The following GRIA3 variants were observed in gnomAD, a reference collection of about 807,000 sequenced individuals.
GRIA3 encodes glutamate receptor 3.
In GRIA3, 3 loss-of-function variants were observed where a neutral mutation model predicts 63.0. The observed-to-expected ratio is 0.05, with a 90% CI of 0.02 to 0.12. The LOEUF (loss-of-function observed/expected upper bound fraction) is 0.12, where lower values mean the gene tolerates loss of function less well. GRIA3 is among the 10% of genes least tolerant of loss of function. The pLI is 1.00. For missense variants in GRIA3, 347 were observed against 700.9 expected (o/e 0.50, Z 5.70); for synonymous variants, 274 against 257.9 (o/e 1.06, Z -0.60).
chrX:123,307,561 A>G (rs2044762760), intron 3 of GRIA3, among the ~76,000 whole-genome samples: 1 of 112,232 alleles, frequency 8.9e-6, no homozygotes, highest in East Asian at 2.8e-4. Flanking sequence ...ACTAAGGGGA[A>G]GCAATTCTAC....
chrX:123,334,335 T>C (rs1305047250), intron 4 of GRIA3, among the ~76,000 whole-genome samples: 1 of 111,633 alleles, frequency 9.0e-6, no homozygotes, highest in Non-Finnish European at 1.9e-5. Context: ...TATTCTATAT[T>C]TAGGAATTTT....
intron 5 of GRIA3, among the ~76,000 whole-genome samples, chrX:123,369,864 A>G (rs1368145408): frequency 8.9e-6 from 1 of 111,855 alleles, no homozygotes; most frequent in Non-Finnish European, 1.9e-5. Context: ...ATCTAGCAAG[A>G]GTTATGGATA....
At position 123,448,056 on chromosome X, in the gene GRIA3, TAAG is replaced by T. The variant is rs762695623; in HGVS notation, c.2077-16808_2077-16806del. ...AAGATAATCAGGCTACGTAGAAACT[TAAG>T]GAGTGCACCTTTTGTTTTTTCCACA... On this transcript the variant is annotated intron_variant, in intron 12 of 15. Transcript: ENST00000620443. 1.1e-4 allele frequency among the ~76,000 whole-genome samples: 12 copies of T among 112,120 alleles called. 1 individual carries two copies. Among genetic ancestry groups the T allele is most frequent in the Non-Finnish European group, 2.1e-4 (11 of 53,254 alleles).
At chrX:123,235,723 C>T (rs776139654) in intron 2 of GRIA3, among the ~76,000 whole-genome samples, 11 of 110,555 alleles carry the variant, frequency 9.9e-5, no homozygotes, top group Non-Finnish European at 1.9e-4. Flanking sequence ...ATGCTTTACT[C>T]AGAGAAAATA....
chrX:123,436,993 C>T (rs1285226517), intron 12 of GRIA3, among the ~76,000 whole-genome samples: 1 of 109,952 alleles, frequency 9.1e-6, no homozygotes, highest in Non-Finnish European at 1.9e-5. Context: ...ATTCGACTTA[C>T]GAAAACTCAA....
intron 4 of GRIA3, among the ~76,000 whole-genome samples, chrX:123,341,223 G>A (rs2045006682): frequency 8.9e-6 from 1 of 111,816 alleles, no homozygotes; most frequent in Non-Finnish European, 1.9e-5. Flanking sequence ...TCCTTTAAAA[G>A]GTGGAATTAA....
intron 2 of GRIA3, among the ~76,000 whole-genome samples, chrX:123,246,327 T>G (rs2044359315): frequency 8.9e-6 from 1 of 112,082 alleles, no homozygotes; most frequent in African/African-American, 3.2e-5. Context: ...GTCAGAAGTC[T>G]GGTACAGGTC....
chrX:123,395,146 T>C lies in GRIA3; in HGVS notation c.912+17T>C. Reference sequence around the variant, plus strand: ...CCACTAAAGGTAATGTTCCATGGCATGTAAAAAACCTAAGGCCAGCTTTTC... The same window carrying C: ...CCACTAAAGGTAATGTTCCATGGCACGTAAAAAACCTAAGGCCAGCTTTTC... On this transcript the variant is annotated intron_variant, in intron 6 of 15. Coordinates refer to ENST00000620443, the MANE Select transcript of GRIA3 (RefSeq NM_007325.5). The C allele has an allele frequency of 2.5e-6, 3 of 1,188,570 alleles. No individual in the cohort carries two copies. The highest frequency in any genetic ancestry group is 1.1e-6 in the Non-Finnish European group (1 of 874,518).
chrX:123,268,442 C>T (rs1285473566), intron 3 of GRIA3, among the ~76,000 whole-genome samples: 1 of 109,246 alleles, frequency 9.2e-6, no homozygotes, highest in Non-Finnish European at 1.9e-5. Flanking sequence ...CATTCTCTTC[C>T]ATTTTTTATT....
Position 123,310,518 on chromosome X carries a change from GCTTTGCTTACATCT to G in GRIA3, c.509-15499_509-15486del, listed in dbSNP as rs202236586. The stretch of plus-strand genomic sequence containing the variant: ...GAAGACTAGATCAAATGGTGAGCTG[GCTTTGCTTACATCT>G]CTTTGCTTTATGCTCCACAGCTCTA... On this transcript the variant is annotated intron_variant, in intron 3 of 15. Coordinates refer to ENST00000620443, the MANE Select transcript of GRIA3 (RefSeq NM_007325.5). Among the ~76,000 whole-genome samples the G allele has an allele frequency of 8.6e-3, 975 of 113,075 alleles. 16 individuals carry two copies. The highest frequency in any genetic ancestry group is 0.029 in the African/African-American group (909 of 31,195).
At chrX:123,310,227 A>G (rs1157424658) in intron 3 of GRIA3, among the ~76,000 whole-genome samples, 2 of 112,790 alleles carry the variant, frequency 1.8e-5, no homozygotes, top group Non-Finnish European at 3.8e-5. Context: ...ACTCTAAGTG[A>G]CTCAGGGCTT....
chrX:123,463,878 A>G (rs1267117343), intron 12 of GRIA3, among the ~76,000 whole-genome samples: 1 of 110,940 alleles, frequency 9.0e-6, no homozygotes, highest in East Asian at 2.8e-4. Context: ...CTCTAAAATA[A>G]GAAGCAAAAG....
chrX:123,478,425 G>A (rs920381678), intron 13 of GRIA3, among the ~76,000 whole-genome samples: 1 of 112,088 alleles, frequency 8.9e-6, no homozygotes, highest in Admixed American at 9.5e-5. Context: ...ATTTCCTAGT[G>A]AGATACAAAA....
At chrX:123,456,105 C>T (rs1374984502) in intron 12 of GRIA3, among the ~76,000 whole-genome samples, 3 of 111,160 alleles carry the variant, frequency 2.7e-5, no homozygotes, top group Non-Finnish European at 5.7e-5. Flanking sequence ...CTGCACTTAC[C>T]CTCCCTTACC....
intron 5 of GRIA3, among the ~76,000 whole-genome samples, chrX:123,361,624 G>A (rs776289004): frequency 9.0e-6 from 1 of 111,607 alleles, no homozygotes; most frequent in African/African-American, 3.3e-5. Flanking sequence ...TCAGCTTAAA[G>A]TTGCGAACTC....
At chrX:123,322,203 C>T (rs2044872784) in intron 3 of GRIA3, among the ~76,000 whole-genome samples, 1 of 111,605 alleles carries the variant, frequency 9.0e-6, no homozygotes, top group Non-Finnish European at 1.9e-5. Context: ...CAGCCCAGTT[C>T]TTCATCCATA....
At chrX:123,260,070 A>T (rs1428260030) in intron 3 of GRIA3, among the ~76,000 whole-genome samples, 1 of 109,824 alleles carries the variant, frequency 9.1e-6, no homozygotes, top group Non-Finnish European at 1.9e-5. Context: ...GAGGTAAATG[A>T]GTTGCAAAGG....
intron 4 of GRIA3, among the ~76,000 whole-genome samples, chrX:123,345,439 A>C (rs906761097): frequency 1.0e-3 from 68 of 65,903 alleles, no homozygotes; most frequent in Non-Finnish European, 1.7e-3. Context: ...CCCCCTTCAC[A>C]ACACACACAC....
At chrX:123,422,838 G>A (rs1418289634) in intron 11 of GRIA3, among the ~76,000 whole-genome samples, 1 of 112,358 alleles carries the variant, frequency 8.9e-6, no homozygotes, top group East Asian at 2.8e-4. Context: ...TGAAATACCA[G>A]TTAGTATCAA....
Sources: allele counts gnomAD v4.1 joint callset (sites outside exome capture counted in the v4.1 genomes callset), GRCh38; gene constraint gnomAD v4.1.1; transcripts MANE v1.5; gene names NCBI Gene and HGNC (gene_info 2026-07-23, HGNC 2026-07-21).